DCLK2: variants seen among roughly 807,000 people sequenced by gnomAD.
DCLK2 encodes serine/threonine-protein kinase DCLK2.
Under a neutral mutation model 78.4 loss-of-function variants are expected in DCLK2, and 31 were observed. The ratio of observed to expected loss-of-function variants is 0.40; its 90% CI spans 0.30 to 0.53. The LOEUF (loss-of-function observed/expected upper bound fraction) is 0.53. Ranked by LOEUF, DCLK2 falls within the 20% of genes least tolerant of loss-of-function variation. The probability of loss-of-function intolerance (pLI) is 0.61; values close to 1 mark genes in which losing one functional copy is unlikely to be tolerated. For missense variants in DCLK2, 872 were observed against 973.7 expected (o/e 0.90, Z 1.39); for synonymous variants, 407 against 374.9 (o/e 1.09, Z -0.99).
intron 1 of DCLK2, among the ~76,000 whole-genome samples, chr4:150,097,611 T>C (rs1047669213): frequency 7.2e-5 from 11 of 152,206 alleles, no homozygotes; most frequent in African/African-American, 2.7e-4. Context: ...CTGCTATATA[T>C]GCAGTAATGC....
At chr4:150,232,216 A>G in intron 8 of DCLK2, 121 bp from the exon 9 acceptor site, 1 of 1,276,232 alleles carries the variant, frequency 7.8e-7, no homozygotes, top group Non-Finnish European at 1.1e-6. Flanking sequence ...TCTTTGTGCC[A>G]AGAGCAATGC....
chr4:150,223,556 C>T (rs1741357339), intron 7 of DCLK2, among the ~76,000 whole-genome samples: 1 of 152,240 alleles, frequency 6.6e-6, no homozygotes, highest in Admixed American at 6.5e-5. Context: ...CCAGCCTGGC[C>T]AACATGGTGA....
In DCLK2 at chr4:150,188,096, G is replaced by A. The variant is rs531221132; in HGVS notation, c.757-5042G>A. Among the ~76,000 whole-genome samples, 6 of 152,240 alleles carry A rather than the reference G, an allele frequency of 3.9e-5. No homozygotes were observed. The South Asian group carries it at 1.0e-3, about 26-fold the overall frequency. ...TTGCACGCGTGAGCCACTGCTTCTG[G>A]CATCAGTTATATCTTTTATTCACTT... On this transcript the variant is annotated intron_variant, in intron 2 of 15. Coordinates refer to ENST00000296550, the MANE Select transcript of DCLK2 (RefSeq NM_001040260.4).
chr4:150,208,705 C>A (rs1237545228), intron 5 of DCLK2, among the ~76,000 whole-genome samples: 2 of 152,020 alleles, frequency 1.3e-5, no homozygotes, highest in Admixed American at 1.3e-4. Context: ...GACAACTTTT[C>A]CTGAGAGGCT....
chr4:150,087,165 C>A (rs1226961020), intron 1 of DCLK2, among the ~76,000 whole-genome samples: 2 of 152,188 alleles, frequency 1.3e-5, no homozygotes, highest in African/African-American at 2.4e-5. Flanking sequence ...TTGTCAGAAG[C>A]TTTTCCTTAT....
chr4:150,195,627 T>C (rs1560858753), intron 3 of DCLK2, among the ~76,000 whole-genome samples: 1 of 148,772 alleles, frequency 6.7e-6, no homozygotes, highest in Non-Finnish European at 1.5e-5. Context: ...AAAGTTAATA[T>C]GTATAACAAT....
At chr4:150,197,800 A>G (rs1739162064) in intron 3 of DCLK2, among the ~76,000 whole-genome samples, 1 of 150,654 alleles carries the variant, frequency 6.6e-6, no homozygotes, top group Non-Finnish European at 1.5e-5. Flanking sequence ...ATCTCAAGAG[A>G]GAAAAAAAAA....
intron 12 of DCLK2, among the ~76,000 whole-genome samples, chr4:150,244,820 CCT>C (rs1448460492): frequency 6.6e-6 from 1 of 152,192 alleles, no homozygotes; most frequent in Non-Finnish European, 1.5e-5. Context: ...GCTGAGACAC[CCT>C]GTGGTTTTGT....
At position 150,078,889 on chromosome 4, in the gene DCLK2, C is replaced by G; in HGVS notation, c.-139C>G. 8.5e-7 allele frequency: 1 copy of G among 1,182,966 alleles called. No homozygotes were observed. The highest frequency in any genetic ancestry group is 3.0e-5 in the East Asian group (1 of 33,408). The allele number at this position is 1,182,966 out of a possible 1,614,324, so 73.3% of individuals were successfully genotyped here. ...GCTCCTCCGCGGCTCCTCGGCCCCA[C>G]CTGCGCGGAGAGGGCGGGATGCCAG... On this transcript the variant is annotated 5_prime_UTR_variant, in exon 1 of 16. Coordinates refer to ENST00000296550, the MANE Select transcript of DCLK2 (RefSeq NM_001040260.4).
At position 150,119,780 on chromosome 4, in the gene DCLK2, TAGTG is replaced by T. The variant is rs544384211; in HGVS notation, c.756+16972_756+16975del. On this transcript the variant is annotated intron_variant, in intron 2 of 15. Transcript: ENST00000296550. Reference sequence around the variant, plus strand: ...AAAAAAAAAAGAAGAAAATTTTTTTTAGTGAGTAGCCCACATTATGATACTTTGT... The same window carrying T: ...AAAAAAAAAAGAAGAAAATTTTTTTTAGTAGCCCACATTATGATACTTTGT... Among the ~76,000 whole-genome samples the T allele has an allele frequency of 2.1e-3, 322 of 152,274 alleles. 2 individuals carry two copies. The highest frequency in any genetic ancestry group is 7.7e-3 in the African/African-American group (319 of 41,572).
At chr4:150,199,109 C>T (rs1739280782) in intron 4 of DCLK2, 3 of 1,584,288 alleles carry the variant, frequency 1.9e-6, no homozygotes, top group Middle Eastern at 1.7e-4. Context: ...CTTTGTTGCT[C>T]TGCTGGGTTT....
chr4:150,138,159 C>T (rs976593477), intron 2 of DCLK2, among the ~76,000 whole-genome samples: 1 of 152,170 alleles, frequency 6.6e-6, no homozygotes, highest in Non-Finnish European at 1.5e-5. Context: ...CTATCATAAA[C>T]CAGCAATAAA....
chr4:150,083,320 C>A (rs1238605081), intron 1 of DCLK2, among the ~76,000 whole-genome samples: 1 of 152,180 alleles, frequency 6.6e-6, no homozygotes, highest in Non-Finnish European at 1.5e-5. Flanking sequence ...TACCTTTTAT[C>A]CCTTCATAAA....
chr4:150,161,048 G>A (rs1041289865), intron 2 of DCLK2, among the ~76,000 whole-genome samples: 1 of 152,086 alleles, frequency 6.6e-6, no homozygotes, highest in African/African-American at 2.4e-5. Flanking sequence ...AAAAAGAAAT[G>A]ACAAAAAGGA....
chr4:150,164,930 TCA>T (rs1174608670), intron 2 of DCLK2, among the ~76,000 whole-genome samples: 4 of 152,254 alleles, frequency 2.6e-5, no homozygotes, highest in African/African-American at 9.6e-5. Flanking sequence ...TTGATTCTTG[TCA>T]CACTGTAAGA....
intron 5 of DCLK2, among the ~76,000 whole-genome samples, chr4:150,212,845 G>A (rs1740415027): frequency 6.6e-6 from 1 of 152,142 alleles, no homozygotes; most frequent in African/African-American, 2.4e-5. Context: ...TCATGAAAGT[G>A]GGCCCAGAAA....
rs572985938 is a variant in DCLK2, at chr4:150,240,757, A to AG, written c.1778+281_1778+282insG. Among the ~76,000 whole-genome samples, 597 of 95,162 alleles carry AG rather than the reference A, an allele frequency of 6.3e-3. 3 individuals are homozygous for AG. Among genetic ancestry groups the AG allele is most frequent in the African/African-American group, 0.017 (537 of 31,042 alleles). The allele number at this position is 95,162 out of a possible 152,430, so 62.4% of individuals were successfully genotyped here. ...TAAAACTTAAAATATAATAAAAAAA[A>AG]AAAAAGAAAAAGAAAAAAAAAAATC... On this transcript the variant is annotated intron_variant, in intron 12 of 15. Transcript: ENST00000296550.
chr4:150,154,580 T>C (rs1053732807), intron 2 of DCLK2, among the ~76,000 whole-genome samples: 10 of 152,144 alleles, frequency 6.6e-5, no homozygotes, highest in Non-Finnish European at 1.2e-4. Context: ...TTGTTTTGAT[T>C]TTTTTTAGAA....
chr4:150,224,431 AAAG>A, intron 7 of DCLK2, 67 bp from the exon 8 acceptor site: 1 of 1,449,100 alleles, frequency 6.9e-7, no homozygotes, highest in South Asian at 1.3e-5. Context: ...AAAGTATAAA[AAAG>A]AAAGAAAACA....
Sources: allele counts gnomAD v4.1 joint callset (sites outside exome capture counted in the v4.1 genomes callset), GRCh38; gene constraint gnomAD v4.1.1; transcripts MANE v1.5; gene names NCBI Gene and HGNC (gene_info 2026-07-23, HGNC 2026-07-21).